ACSS2: variants seen among roughly 807,000 people sequenced by gnomAD.
The protein encoded by ACSS2 is acetyl-coenzyme A synthetase, cytoplasmic.
In ACSS2, 58 loss-of-function variants were observed where a neutral mutation model predicts 90.6. The ratio of observed to expected loss-of-function variants is 0.64; its 90% CI spans 0.52 to 0.80. ACSS2 has a LOEUF of 0.80. Among genes scored for constraint, ACSS2 ranks in the 30% least tolerant of loss-of-function variants. The pLI is 0.00. For synonymous variants in ACSS2, 300 were observed against 330.9 expected, an observed-to-expected ratio of 0.91 and a Z score of 1.01; for missense variants, 759 against 912.0, an observed-to-expected ratio of 0.83 and a Z score of 2.16.
chr20:34,906,565 C>T (rs1208125991), intron 2 of ACSS2, among the ~76,000 whole-genome samples: 6 of 151,920 alleles, frequency 3.9e-5, no homozygotes, highest in South Asian at 2.1e-4. Context: ...GTGTGTTTCA[C>T]GGTTGGAAGT....
At chr20:34,910,039 T>C (rs886629533) in intron 2 of ACSS2, among the ~76,000 whole-genome samples, 5 of 150,810 alleles carry the variant, frequency 3.3e-5, no homozygotes, top group African/African-American at 1.2e-4. Context: ...TTTTTTTTTT[T>C]AAACAGAGTT....
intron 2 of ACSS2, chr20:34,912,419 G>T: frequency 6.4e-6 from 1 of 155,982 alleles, no homozygotes; most frequent in South Asian, 1.8e-4. Context: ...CCCAGTAGCT[G>T]GGATTACAGG....
In ACSS2 at chr20:34,927,086, G is replaced by A; in HGVS notation, c.1979-1G>A. 1 of 1,614,156 alleles carries A rather than the reference G, an allele frequency of 6.2e-7. No homozygotes were observed. The highest frequency in any genetic ancestry group is 8.5e-7 in the Non-Finnish European group (1 of 1,180,024). On this transcript the variant is annotated splice_acceptor_variant, in intron 17 of 17. Transcript: ENST00000360596. LOFTEE classifies it high-confidence loss of function. The surrounding 1 kb of genome is among the most constrained non-coding windows in gnomAD (Gnocchi z 4.2). ...GTAACTAGAGGTCTGTGGTTCCCCA[G>A]GGAAAATCATGAGGCGAGTGCTTCG...
chr20:34,906,810 C>G (rs2084485911), intron 2 of ACSS2, among the ~76,000 whole-genome samples: 1 of 151,772 alleles, frequency 6.6e-6, no homozygotes, highest in African/African-American at 2.4e-5. Context: ...TCTTGAAACC[C>G]CGTCTCTACT....
chr20:34,899,780 C>T (rs2080601277), intron 2 of ACSS2, among the ~76,000 whole-genome samples: 12 of 152,132 alleles, frequency 7.9e-5, no homozygotes. Context: ...AGTCACCACA[C>T]CTGGCCCCAC....
At position 34,921,531 on chromosome 20, in the gene ACSS2, C is replaced by CTGACTTCCCCAGGGTGGCCACATGT; in HGVS notation, c.1411-7_1428dup. The CTGACTTCCCCAGGGTGGCCACATGT allele has an allele frequency of 6.2e-7, 1 of 1,614,208 alleles. No homozygotes were observed. ...GAAGATTGACTCAAATTTCTCATCT[C>CTGACTTCCCCAGGGTGGCCACATGT]TGACTTCCCCAGGGTGGCCACATGT... On this transcript the variant is annotated splice_polypyrimidine_tract_variant and intron_variant, in intron 11 of 17. Coordinates refer to ENST00000360596, the MANE Select transcript of ACSS2 (RefSeq NM_018677.4).
In ACSS2 at chr20:34,926,939, A is replaced by G; in HGVS notation, c.1966A>G (p.Lys656Glu). The G allele has an allele frequency of 6.2e-7, 1 of 1,614,154 alleles. No homozygotes were observed. Among genetic ancestry groups the G allele is most frequent in the Non-Finnish European group, 8.5e-7 (1 of 1,180,034 alleles). The change falls in exon 17 of 18, where the codon AAA becomes GAA. Residue 656 changes from lysine to glutamate, a missense_variant. Physicochemically the swap from Lys to Glu is moderately conservative, Grantham distance 56. Coordinates refer to ENST00000360596, the MANE Select transcript of ACSS2 (RefSeq NM_018677.4). ...DYIQNAPGLP[K>E]TRSGKIMRRV... The stretch of plus-strand genomic sequence containing the variant: ...CATCCAGAATGCACCTGGCTTGCCT[A>G]AAACCCGCTCAGGTATGTTCAGAGG...
chr20:34,886,118 A>G (rs894376319), intron 2 of ACSS2, among the ~76,000 whole-genome samples: 2 of 152,036 alleles, frequency 1.3e-5, no homozygotes, highest in Non-Finnish European at 2.9e-5. Flanking sequence ...TTATACTGCT[A>G]TTTTTCATCA....
At chr20:34,891,341 C>T (rs921387878) in intron 2 of ACSS2, among the ~76,000 whole-genome samples, 1 of 152,160 alleles carries the variant, frequency 6.6e-6, no homozygotes. Context: ...CATCTCTAAT[C>T]TTCCAGAATT....
At chr20:34,883,482 AGT>A (rs2080116424) in intron 2 of ACSS2, among the ~76,000 whole-genome samples, 2 of 152,226 alleles carry the variant, frequency 1.3e-5, no homozygotes, top group South Asian at 4.1e-4. Flanking sequence ...TGAGAAGTCA[AGT>A]GACATATCTG....
At chr20:34,906,983 CA>C (rs1228479859) in intron 2 of ACSS2, among the ~76,000 whole-genome samples, 624 of 41,572 alleles carry the variant, frequency 0.015, 1 homozygote, top group East Asian at 0.04. Context: ...GACTCCATCT[CA>C]AAAAAAAAAA....
At chr20:34,913,930 T>G in intron 5 of ACSS2, 105 bp downstream of exon 5, 1 of 1,380,592 alleles carries the variant, frequency 7.2e-7, no homozygotes, top group Non-Finnish European at 1.0e-6. Context: ...GGGTAGAGAC[T>G]GCCTGCCTTT....
chr20:34,905,118 ATGT>A (rs2080765513), intron 2 of ACSS2, among the ~76,000 whole-genome samples: 1 of 151,832 alleles, frequency 6.6e-6, no homozygotes, highest in African/African-American at 2.4e-5. Flanking sequence ...AGTTCTCACC[ATGT>A]TGCCCAGGCC....
At chr20:34,889,006 CT>C (rs71299220) in intron 2 of ACSS2, among the ~76,000 whole-genome samples, 6,278 of 141,792 alleles carry the variant, frequency 0.044, 190 homozygotes, top group Non-Finnish European at 0.075. Flanking sequence ...ACTAGACAAT[CT>C]TTTTTTTTTT....
chr20:34,897,755 G>A (rs1216591667), intron 2 of ACSS2, among the ~76,000 whole-genome samples: 1 of 152,026 alleles, frequency 6.6e-6, no homozygotes, highest in Non-Finnish European at 1.5e-5. Flanking sequence ...CTTGAACCCA[G>A]GAGACGGAGG....
At chr20:34,908,718 A>G (rs2080870095) in intron 2 of ACSS2, 1 of 281,966 alleles carries the variant, frequency 3.5e-6, no homozygotes, top group Non-Finnish European at 6.9e-6. Context: ...AAAATTAGCC[A>G]GGTGTGGTGG....
chr20:34,882,724 C>T, intron 1 of ACSS2, 70 bp from the exon 2 acceptor site: 1 of 1,476,804 alleles, frequency 6.8e-7, no homozygotes, highest in Non-Finnish European at 9.4e-7. Flanking sequence ...TGTGTATAGA[C>T]TGGTAAGCCT....
chr20:34,899,406 CTTT>C (rs2080573631), intron 2 of ACSS2, among the ~76,000 whole-genome samples: 1 of 53,754 alleles, frequency 1.9e-5, no homozygotes, highest in Non-Finnish European at 3.3e-5. Context: ...TTCTTTCCTT[CTTT>C]CTTTCTTTCT....
At chr20:34,901,091 G>T (rs1447508027) in intron 2 of ACSS2, among the ~76,000 whole-genome samples, 1 of 152,076 alleles carries the variant, frequency 6.6e-6, no homozygotes, top group Non-Finnish European at 1.5e-5. Flanking sequence ...AGCTATATGT[G>T]GCTAGTGACT....
Sources: allele counts gnomAD v4.1 joint callset (sites outside exome capture counted in the v4.1 genomes callset), GRCh38; gene constraint gnomAD v4.1.1; non-coding constraint Gnocchi (gnomAD v3.1); transcripts MANE v1.5; gene names NCBI Gene and HGNC (gene_info 2026-07-23, HGNC 2026-07-21).